Variants in ALOX5 observed in about 807,000 individuals in gnomAD.
ALOX5 encodes arachidonate 5-lipoxygenase, also known as polyunsaturated fatty acid 5-lipoxygenase.
ALOX5 carries 64 observed loss-of-function variants against 87.9 expected under a neutral mutation model. The observed-to-expected ratio is 0.73, with a 90% CI of 0.60 to 0.90. The LOEUF (loss-of-function observed/expected upper bound fraction) is 0.90. Ranked by LOEUF, ALOX5 falls within the 40% of genes least tolerant of loss-of-function variation. The pLI, the probability that ALOX5 is intolerant of heterozygous loss-of-function variation, is 0.00. For synonymous variants in ALOX5, 388 were observed against 355.1 expected, an observed-to-expected ratio of 1.09 and a Z score of -1.04; for missense variants, 822 against 907.5, an observed-to-expected ratio of 0.91 and a Z score of 1.21.
chr10:45,395,373 A>G (rs12761961), intron 2 of ALOX5, among the ~76,000 whole-genome samples: 10,253 of 152,066 alleles, frequency 0.067, 465 homozygotes, highest in East Asian at 0.18. Flanking sequence ...AACAAACACT[A>G]CATGTTCTCA....
chr10:45,381,269 G>C lies in ALOX5; in HGVS notation c.151-1214G>C, dbSNP rs368874346. On this transcript the variant is annotated intron_variant, in intron 1 of 13. Coordinates refer to ENST00000374391, the MANE Select transcript of ALOX5 (RefSeq NM_000698.5). ...GTAATGCCACAGGTGCAGCAGAGCTGCTTGGTCTCACTGTTCTCTGGGCAT... is the reference window on the plus strand; with the variant it reads ...GTAATGCCACAGGTGCAGCAGAGCTCCTTGGTCTCACTGTTCTCTGGGCAT... Among the ~76,000 whole-genome samples, 13 of 152,376 alleles carry C rather than the reference G, an allele frequency of 8.5e-5. No homozygotes were observed. In the East Asian group the frequency reaches 2.5e-3, roughly 29 times the overall value.
At chr10:45,376,670 T>G (rs1212359513) in intron 1 of ALOX5, among the ~76,000 whole-genome samples, 1 of 152,184 alleles carries the variant, frequency 6.6e-6, no homozygotes, top group Non-Finnish European at 1.5e-5. Context: ...ATTTAATCAT[T>G]TCCAAGTTAT....
chr10:45,437,479 T>A (rs1370946776), intron 7 of ALOX5, among the ~76,000 whole-genome samples: 1 of 152,238 alleles, frequency 6.6e-6, no homozygotes, highest in Non-Finnish European at 1.5e-5. Flanking sequence ...AAGACTAACT[T>A]TTTTTAAGCC....
At chr10:45,442,173 C>T (rs550925356) in intron 9 of ALOX5, among the ~76,000 whole-genome samples, 3 of 152,248 alleles carry the variant, frequency 2.0e-5, no homozygotes, top group Admixed American at 1.3e-4. Context: ...CAAGCAATGC[C>T]CCAGGGTGCA....
chr10:45,433,362 G>C (rs1247189707), intron 7 of ALOX5, among the ~76,000 whole-genome samples: 1 of 152,236 alleles, frequency 6.6e-6, no homozygotes, highest in African/African-American at 2.4e-5. Flanking sequence ...AGGGTCCTGG[G>C]GTTGAGGCTG....
At chr10:45,382,934 G>A (rs2303885) in intron 2 of ALOX5, among the ~76,000 whole-genome samples, 39,531 of 152,228 alleles carry the variant, frequency 0.26, 7,176 homozygotes, top group African/African-American at 0.52. Context: ...AGTTCTACAG[G>A]GGAGGGTTGT....
At chr10:45,419,231 G>C (rs897496040) in intron 4 of ALOX5, among the ~76,000 whole-genome samples, 1 of 152,378 alleles carries the variant, frequency 6.6e-6, no homozygotes, top group East Asian at 1.9e-4. Flanking sequence ...CAGAGGCAGG[G>C]AGGCCGGGCG....
intron 3 of ALOX5, among the ~76,000 whole-genome samples, chr10:45,407,180 G>A (rs757941808): frequency 6.6e-6 from 1 of 152,026 alleles, no homozygotes; most frequent in Non-Finnish European, 1.5e-5. Flanking sequence ...AAAAAAGTGT[G>A]TATACACTTC....
In ALOX5 at chr10:45,443,421, C is replaced by G; in HGVS notation, c.1457C>G (p.Thr486Arg). 1 of 1,603,178 alleles carries G rather than the reference C, an allele frequency of 6.2e-7. No individual in the cohort carries two copies. The highest frequency in any genetic ancestry group is 8.5e-7 in the Non-Finnish European group (1 of 1,175,278). The change falls in exon 11 of 14, where the codon ACG (threonine) becomes AGG (arginine). Residue 486 changes from threonine to arginine, a missense_variant. Physicochemically the swap from Thr to Arg is moderately conservative, Grantham distance 71 (BLOSUM62 -1). Coordinates refer to ENST00000374391, the MANE Select transcript of ALOX5 (RefSeq NM_000698.5). The stretch of plus-strand genomic sequence containing the variant: ...GGCTGCGCCCCCTGAGCCAGGTTCA[C>G]GGCCGAGGTGGTAGACATCTACTAC... ...LLVWEAIRTF[T>R]AEVVDIYYEG...
chr10:45,374,966 C>G (rs1263163625), intron 1 of ALOX5, among the ~76,000 whole-genome samples: 1 of 152,154 alleles, frequency 6.6e-6, no homozygotes, highest in East Asian at 1.9e-4. Flanking sequence ...CAGACATGAC[C>G]ACCAGCTCAC....
chr10:45,414,587 T>A (rs978131056), intron 4 of ALOX5, among the ~76,000 whole-genome samples: 3 of 151,958 alleles, frequency 2.0e-5, no homozygotes, highest in Admixed American at 6.6e-5. Context: ...AATGGACAAA[T>A]GGGATCTAAT....
rs1313352247 is a variant in ALOX5, at chr10:45,444,144, C to T, written c.1703C>T (p.Ala568Val). The part of the protein sequence containing the change: ...QYDWCSWIPN[A>V]PPTMRAPPPT... Reference sequence around the variant, plus strand: ...GACTGGTGCTCCTGGATCCCCAATGCGCCCCCAACCATGCGAGCCCCGCCA... The same window carrying T: ...GACTGGTGCTCCTGGATCCCCAATGTGCCCCCAACCATGCGAGCCCCGCCA... The change falls in exon 13 of 14, where the codon GCG becomes GTG. Residue 568 changes from alanine to valine, a missense_variant. Ala to Val is a moderately conservative substitution (Grantham distance 64). Transcript: ENST00000374391. 10 of 1,549,606 alleles carry T rather than the reference C, an allele frequency of 6.5e-6. No individual in the cohort carries two copies. Among genetic ancestry groups the T allele is most frequent in the Admixed American group, 1.9e-5 (1 of 51,378 alleles).
intron 7 of ALOX5, 152 bp from the exon 8 acceptor site, chr10:45,440,278 A>G (rs1842186792): frequency 2.7e-6 from 2 of 750,466 alleles, no homozygotes; most frequent in Non-Finnish European, 4.3e-6. Context: ...ATACCACCGC[A>G]GGGCCCTTTA....
intron 2 of ALOX5, among the ~76,000 whole-genome samples, chr10:45,390,699 G>A (rs912609459): frequency 6.6e-6 from 1 of 152,246 alleles, no homozygotes; most frequent in African/African-American, 2.4e-5. Context: ...GCAGTGTGTA[G>A]AGGGAAATTT....
chr10:45,401,856 G>T (rs1294182658), intron 3 of ALOX5, among the ~76,000 whole-genome samples: 1 of 152,150 alleles, frequency 6.6e-6, no homozygotes, highest in African/African-American at 2.4e-5. Flanking sequence ...GGAGGCTGAG[G>T]TGGGTGGATC....
intron 8 of ALOX5, 146 bp from the exon 9 acceptor site, chr10:45,441,198 C>G (rs1186794643): frequency 2.9e-6 from 2 of 691,674 alleles, no homozygotes; most frequent in Non-Finnish European, 5.1e-6. Context: ...ACTTATTCAG[C>G]AGAAAGATCA....
At chr10:45,418,646 C>T (rs933950242) in intron 4 of ALOX5, among the ~76,000 whole-genome samples, 1 of 152,124 alleles carries the variant, frequency 6.6e-6, no homozygotes, top group Non-Finnish European at 1.5e-5. Flanking sequence ...TTACTGGGCC[C>T]AGGCAGAGGT....
intron 3 of ALOX5, among the ~76,000 whole-genome samples, chr10:45,400,981 A>G (rs1490110186): frequency 2.0e-5 from 3 of 152,220 alleles, no homozygotes; most frequent in Non-Finnish European, 2.9e-5. Flanking sequence ...GCTTTTTGGA[A>G]GATAATAACA....
rs1564451107 is a variant in ALOX5 at position 45,443,400 on chromosome 10, G to C, written c.1452-16G>C. ...CCTGGCTGGGTCGCCCACCCCGGCT[G>C]CGCCCCCTGAGCCAGGTTCACGGCC... On this transcript the variant is annotated splice_polypyrimidine_tract_variant and intron_variant, in intron 10 of 13. Coordinates refer to ENST00000374391, the MANE Select transcript of ALOX5 (RefSeq NM_000698.5). 2 of 1,597,326 alleles carry C rather than the reference G, an allele frequency of 1.3e-6. No homozygotes were observed. The highest frequency in any genetic ancestry group is 2.7e-5 in the African/African-American group (2 of 74,704).
Sources: allele counts gnomAD v4.1 joint callset (sites outside exome capture counted in the v4.1 genomes callset), GRCh38; gene constraint gnomAD v4.1.1; transcripts MANE v1.5; gene names NCBI Gene and HGNC (gene_info 2026-07-23, HGNC 2026-07-21).